UNC5D: variants seen among roughly 807,000 people sequenced by gnomAD.
The protein encoded by UNC5D is netrin receptor UNC5D.
Under a neutral mutation model 105.4 loss-of-function variants are expected in UNC5D, and 39 were observed. That is an observed-to-expected ratio of 0.37 (90% confidence interval 0.29 to 0.48). UNC5D has a LOEUF of 0.48. Among genes scored for constraint, UNC5D ranks in the 20% least tolerant of loss-of-function variants. UNC5D has a pLI of 0.98. For synonymous variants in UNC5D, 452 were observed against 450.4 expected (o/e 1.00, Z -0.04); for missense variants, 991 against 1,202.4 (o/e 0.82, Z 2.60).
intron 15 of UNC5D, among the ~76,000 whole-genome samples, chr8:35,772,448 T>C (rs1281283329): frequency 6.6e-6 from 1 of 152,214 alleles, no homozygotes; most frequent in African/African-American, 2.4e-5. Flanking sequence ...TGAGCCCGGC[T>C]GCTAGCTGAA....
intron 4 of UNC5D, among the ~76,000 whole-genome samples, chr8:35,605,688 C>T (rs1047634527): frequency 2.0e-5 from 3 of 152,204 alleles, no homozygotes; most frequent in Non-Finnish European, 4.4e-5. Flanking sequence ...GTGGTGGGCT[C>T]TACCCATATA....
intron 4 of UNC5D, among the ~76,000 whole-genome samples, chr8:35,638,650 G>A (rs1334445088): frequency 6.6e-6 from 1 of 151,928 alleles, no homozygotes; most frequent in Non-Finnish European, 1.5e-5. Flanking sequence ...TAAAAAATTA[G>A]AGTGTATGAT....
intron 11 of UNC5D, among the ~76,000 whole-genome samples, chr8:35,738,867 G>A (rs1387112692): frequency 6.6e-6 from 1 of 152,206 alleles, no homozygotes; most frequent in Non-Finnish European, 1.5e-5. Flanking sequence ...CATCATTTGT[G>A]TTCAATGGTC....
intron 13 of UNC5D, among the ~76,000 whole-genome samples, chr8:35,756,107 G>A (rs542588696): frequency 1.2e-4 from 19 of 152,072 alleles, no homozygotes; most frequent in Non-Finnish European, 2.2e-4. Context: ...AGCCAATTGT[G>A]CCTTTACAAA....
At position 35,248,133 on chromosome 8, in the gene UNC5D, A is replaced by G. The variant is rs1466365841; in HGVS notation, c.103+12246A>G. On this transcript the variant is annotated intron_variant, in intron 1 of 16. Coordinates refer to ENST00000404895, the MANE Select transcript of UNC5D (RefSeq NM_080872.4). ...TAAAAAATATAATATATAAATATAT[A>G]TTATATAAAATATATATAATATATA... Among the ~76,000 whole-genome samples the G allele has an allele frequency of 7.8e-3, 567 of 72,314 alleles. 8 individuals carry two copies. Among genetic ancestry groups the G allele is most frequent in the African/African-American group, 0.012 (208 of 17,420 alleles). The allele number at this position is 72,314 out of a possible 152,430, so 47.4% of individuals were successfully genotyped here.
chr8:35,748,037 T>A (rs1182539559), intron 11 of UNC5D, among the ~76,000 whole-genome samples: 2 of 152,258 alleles, frequency 1.3e-5, no homozygotes, highest in Non-Finnish European at 2.9e-5. Flanking sequence ...TCAGTCTGTA[T>A]CTTCAAAATA....
chr8:35,682,737 T>A (rs1825748531), intron 4 of UNC5D, among the ~76,000 whole-genome samples: 1 of 152,132 alleles, frequency 6.6e-6, no homozygotes, highest in Non-Finnish European at 1.5e-5. Flanking sequence ...CCTTTTGTGT[T>A]CAAGGAAAGA....
Position 35,731,036 on chromosome 8 carries a change from G to A in UNC5D, c.1706G>A (p.Gly569Asp), listed in dbSNP as rs1438637019. 6 of 1,613,812 alleles carry A rather than the reference G, an allele frequency of 3.7e-6. No individual in the cohort carries two copies. Among genetic ancestry groups the A allele is most frequent in the Non-Finnish European group, 5.1e-6 (6 of 1,179,890 alleles). ...GGGGTGAGCTTACTCATACCACACG[G>A]TGCCATCCCAGAGGAGAATTCTTGG... ...NTGVSLLIPH[G>D]AIPEENSWEI... Residue 569 changes from glycine to aspartate, a missense_variant, in exon 11 of 17, where the codon GGT becomes GAT. Around this residue, in one of 3 missense-constraint regions of UNC5D, gnomAD observed 944 missense variants for 1,131.6 expected, o/e 0.83. Coordinates refer to ENST00000404895, the MANE Select transcript of UNC5D (RefSeq NM_080872.4).
At chr8:35,271,177 G>GTATATATAAATTAAAATATATT (rs1805257697) in intron 1 of UNC5D, among the ~76,000 whole-genome samples, 3 of 148,806 alleles carry the variant, frequency 2.0e-5, no homozygotes, top group Admixed American at 1.3e-4. Context: ...AAATATATTT[G>GTATATATAAATTAAAATATATT]TATATATAAA....
chr8:35,521,176 T>C (rs1023462253), intron 1 of UNC5D, among the ~76,000 whole-genome samples: 3 of 152,064 alleles, frequency 2.0e-5, no homozygotes, highest in African/African-American at 4.8e-5. Flanking sequence ...ATTTTTTTTC[T>C]AAAAATGTAA....
chr8:35,752,300 TG>T (rs1830320636), intron 13 of UNC5D, among the ~76,000 whole-genome samples: 1 of 152,196 alleles, frequency 6.6e-6, no homozygotes, highest in African/African-American at 2.4e-5. Flanking sequence ...TCCAGATCCC[TG>T]CTATTCCAGT....
chr8:35,544,470 C>T (rs779711394), intron 1 of UNC5D: 2 of 1,613,848 alleles, frequency 1.2e-6, no homozygotes, highest in Non-Finnish European at 1.7e-6. Context: ...TTAGTTAAAG[C>T]TCTCAGTGAT....
intron 3 of UNC5D, among the ~76,000 whole-genome samples, chr8:35,581,431 C>A (rs1000120248): frequency 1.2e-4 from 18 of 152,124 alleles, no homozygotes; most frequent in African/African-American, 4.1e-4. Context: ...CCAAAAAGTA[C>A]TTTTTTGGTT....
chr8:35,511,499 C>T (rs978295252), intron 1 of UNC5D, among the ~76,000 whole-genome samples: 10 of 140,264 alleles, frequency 7.1e-5, no homozygotes, highest in African/African-American at 2.4e-4. Flanking sequence ...AAAAAAAGGT[C>T]TTAATTTTCA....
intron 1 of UNC5D, among the ~76,000 whole-genome samples, chr8:35,486,239 CT>C (rs1289357947): frequency 6.6e-6 from 1 of 152,170 alleles, no homozygotes; most frequent in Non-Finnish European, 1.5e-5. Flanking sequence ...AAAGCACGTT[CT>C]AATTCCTGTT....
chr8:35,742,897 C>T (rs958809550), intron 11 of UNC5D, among the ~76,000 whole-genome samples: 1 of 152,196 alleles, frequency 6.6e-6, no homozygotes, highest in Non-Finnish European at 1.5e-5. Flanking sequence ...TCACCAACTG[C>T]AGCACCTTCA....
intron 1 of UNC5D, among the ~76,000 whole-genome samples, chr8:35,253,769 G>C (rs1803886330): frequency 1.3e-5 from 2 of 152,074 alleles, no homozygotes; most frequent in African/African-American, 4.8e-5. Context: ...GATTATAGGT[G>C]TGAGCCACCA....
chr8:35,442,076 C>T (rs1415701981), intron 1 of UNC5D, among the ~76,000 whole-genome samples: 2 of 151,890 alleles, frequency 1.3e-5, no homozygotes, highest in Non-Finnish European at 2.9e-5. Flanking sequence ...CGTGAAATTA[C>T]TTTCATTTTA....
At position 35,303,724 on chromosome 8, in the gene UNC5D, A is replaced by G. The variant is rs183184209; in HGVS notation, c.103+67837A>G. Among the ~76,000 whole-genome samples the G allele has an allele frequency of 3.9e-5, 6 of 152,230 alleles. No homozygotes were observed. In the East Asian group the frequency reaches 5.8e-4, roughly 15 times the overall value. On this transcript the variant is annotated intron_variant, in intron 1 of 16. Coordinates refer to ENST00000404895, the MANE Select transcript of UNC5D (RefSeq NM_080872.4). The stretch of plus-strand genomic sequence containing the variant: ...TTGTCCACTGTGAGGCAGCTTGTTT[A>G]TGGGTTTTGAAGAGGAGGCAGGCCT...
Sources: allele counts gnomAD v4.1 joint callset (sites outside exome capture counted in the v4.1 genomes callset), GRCh38; gene constraint gnomAD v4.1.1; regional missense constraint gnomAD v4.1.1; transcripts MANE v1.5; gene names NCBI Gene and HGNC (gene_info 2026-07-23, HGNC 2026-07-21).